MEF2C: variants seen among roughly 807,000 people sequenced by gnomAD.
MEF2C encodes the protein myocyte-specific enhancer factor 2C.
A neutral mutation model predicts 50.5 loss-of-function variants in MEF2C; 6 were observed. The ratio of observed to expected loss-of-function variants is 0.12; its 90% CI spans 0.07 to 0.23. MEF2C has a LOEUF of 0.23. Among genes scored for constraint, MEF2C ranks in the 10% least tolerant of loss-of-function variants. The probability of loss-of-function intolerance (pLI) is 1.00; values close to 1 mark genes in which losing one functional copy is unlikely to be tolerated. For synonymous variants in MEF2C, 183 were observed against 228.0 expected (o/e 0.80, Z 1.78); for missense variants, 276 against 605.0 (o/e 0.46, Z 5.70).
chr5:88,812,412 A>G (rs778982537), intron 2 of MEF2C, among the ~76,000 whole-genome samples: 8 of 152,140 alleles, frequency 5.3e-5, no homozygotes, highest in Non-Finnish European at 1.2e-4. Flanking sequence ...CTACTGAGAG[A>G]GGGAAATTTC....
chr5:88,799,112 C>T (rs1380231523), intron 3 of MEF2C, among the ~76,000 whole-genome samples: 2 of 152,176 alleles, frequency 1.3e-5, no homozygotes, highest in Non-Finnish European at 2.9e-5. Context: ...AGTCAGGAGG[C>T]ACGGGGGGTC....
intron 6 of MEF2C, chr5:88,742,486 C>T: frequency 1.0e-6 from 1 of 978,552 alleles, no homozygotes; most frequent in Non-Finnish European, 1.2e-6. Flanking sequence ...AACCAATCTT[C>T]ACAGTACTTT....
chr5:88,799,277 G>A (rs1318910813), intron 3 of MEF2C, among the ~76,000 whole-genome samples: 6 of 152,204 alleles, frequency 3.9e-5, no homozygotes, highest in African/African-American at 1.4e-4. Flanking sequence ...CTGTCCCAGG[G>A]AGATGGGAGT....
At chr5:88,806,763 A>G (rs1800615093) in intron 2 of MEF2C, among the ~76,000 whole-genome samples, 2 of 152,212 alleles carry the variant, frequency 1.3e-5, no homozygotes, top group African/African-American at 2.4e-5. Flanking sequence ...TATATTTTGT[A>G]TATAAAATAT....
At position 88,717,317 on chromosome 5, in the gene MEF2C, G is replaced by A. The variant is rs1186246681; in HGVS notation, c.*5287C>T. ...GAAAGGCTTCTGCTGGGTGGATGAGGAAGTGTCCATGCTCTGAGCCTCTGG... is the reference window on the plus strand; with the variant it reads ...GAAAGGCTTCTGCTGGGTGGATGAGAAAGTGTCCATGCTCTGAGCCTCTGG... On this transcript the variant is annotated 3_prime_UTR_variant, in exon 11 of 11. Transcript: ENST00000504921. 2.0e-5 allele frequency: 3 copies of A among 152,222 alleles called. No individual in the cohort carries two copies. Among genetic ancestry groups the A allele is most frequent in the African/African-American group, 7.2e-5 (3 of 41,434 alleles). 9.4% of individuals were successfully genotyped at this position (152,222 alleles called of 1,614,324 possible).
chr5:88,886,109 T>A (rs72773822), upstream of MEF2C, among the ~76,000 whole-genome samples: 1 of 152,088 alleles, frequency 6.6e-6, no homozygotes, highest in Admixed American at 6.5e-5. Flanking sequence ...CCTCAGCAGA[T>A]TTAGCTTCTT....
chr5:88,869,804 T>G (rs1270059267), intron 1 of MEF2C, among the ~76,000 whole-genome samples: 1 of 148,858 alleles, frequency 6.7e-6, no homozygotes. Flanking sequence ...TCTAGTATGC[T>G]TTTAAAACAT....
chr5:88,863,274 T>C (rs78255502), intron 1 of MEF2C, among the ~76,000 whole-genome samples: 3,809 of 152,342 alleles, frequency 0.025, 61 homozygotes, highest in Non-Finnish European at 0.039. Context: ...ACTGAATTCC[T>C]CAACAACAGA....
chr5:88,870,628 A>G (rs1156565567), intron 1 of MEF2C, among the ~76,000 whole-genome samples: 1 of 152,134 alleles, frequency 6.6e-6, no homozygotes, highest in East Asian at 1.9e-4. Context: ...CACCTCTTTT[A>G]GCCTGTCAAT....
intron 6 of MEF2C, chr5:88,733,476 A>G: frequency 1.0e-6 from 1 of 985,368 alleles, no homozygotes; most frequent in Non-Finnish European, 1.2e-6. Flanking sequence ...TGGCATTGGT[A>G]TACTCAGGAA....
intron 1 of MEF2C, among the ~76,000 whole-genome samples, chr5:88,856,751 T>C (rs974973175): frequency 3.5e-4 from 53 of 152,178 alleles, no homozygotes; most frequent in Admixed American, 1.4e-3. Context: ...TACACAGAAG[T>C]CAGGACGTGA....
chr5:88,839,435 G>A (rs908126645), intron 1 of MEF2C: 1 of 151,836 alleles, frequency 6.6e-6, no homozygotes, highest in African/African-American at 2.4e-5. Context: ...CAAAGCGAAT[G>A]CTCAAAATGG....
At chr5:88,734,561 GTTTGTTTT>G (rs1763089389) in intron 6 of MEF2C, 26 of 254,298 alleles carry the variant, frequency 1.0e-4, no homozygotes, top group African/African-American at 1.1e-4. Flanking sequence ...CTTGAGAAAA[GTTTGTTTT>G]TTTTTTTTTT....
intron 10 of MEF2C, 114 bp from the exon 11 acceptor site, chr5:88,723,039 G>T: frequency 1.0e-6 from 1 of 968,254 alleles, no homozygotes; most frequent in South Asian, 1.8e-5. Flanking sequence ...AGCATGCCCA[G>T]AGTGAAGAAA....
intron 3 of MEF2C, among the ~76,000 whole-genome samples, chr5:88,795,518 T>C (rs1035255347): frequency 6.6e-6 from 1 of 152,238 alleles, no homozygotes; most frequent in African/African-American, 2.4e-5. Context: ...TGAATTTGCT[T>C]ATCAGCTTAA....
intron 1 of MEF2C, among the ~76,000 whole-genome samples, chr5:88,871,201 A>G (rs1237257277): frequency 1.3e-5 from 2 of 152,062 alleles, no homozygotes; most frequent in African/African-American, 2.4e-5. Flanking sequence ...AAGCAGCTGC[A>G]GTCAAAAAAA....
intron 1 of MEF2C, among the ~76,000 whole-genome samples, chr5:88,896,593 A>G (rs1283852783): frequency 6.6e-6 from 1 of 152,188 alleles, no homozygotes; most frequent in Non-Finnish European, 1.5e-5. Flanking sequence ...ATATTTCCCA[A>G]CTTAGTGTAG....
intron 3 of MEF2C, among the ~76,000 whole-genome samples, chr5:88,764,245 C>A (rs912137922): frequency 5.3e-5 from 8 of 152,184 alleles, no homozygotes; most frequent in Admixed American, 1.3e-4. Flanking sequence ...ACATCAATTA[C>A]ACTTTGTTGA....
At chr5:88,785,652 CAG>C (rs1320419541) in intron 3 of MEF2C, 7 of 152,114 alleles carry the variant, frequency 4.6e-5, no homozygotes, top group East Asian at 3.9e-4. Context: ...TTTATTATAA[CAG>C]AGTTTCCTCT....
Sources: allele counts gnomAD v4.1 joint callset (sites outside exome capture counted in the v4.1 genomes callset), GRCh38; gene constraint gnomAD v4.1.1; transcripts MANE v1.5; gene names NCBI Gene and HGNC (gene_info 2026-07-23, HGNC 2026-07-21).